Variants in IMPG1 observed in about 807,000 individuals in gnomAD.
IMPG1 encodes the protein interphotoreceptor matrix proteoglycan 1.
In IMPG1, 85 loss-of-function variants were observed where a neutral mutation model predicts 92.0. The observed-to-expected ratio is 0.92, with a 90% CI of 0.78 to 1.11. IMPG1 has a LOEUF of 1.11. IMPG1 is among the 50% of genes least tolerant of loss of function. The pLI, the probability that IMPG1 is intolerant of heterozygous loss-of-function variation, is 0.00. For synonymous variants in IMPG1, 367 were observed against 334.1 expected (o/e 1.10, Z -1.08); for missense variants, 1,022 against 956.0 (o/e 1.07, Z -0.91).
At chr6:76,006,844 A>T (rs998786151) in intron 9 of IMPG1, among the ~76,000 whole-genome samples, 1 of 152,112 alleles carries the variant, frequency 6.6e-6, no homozygotes, top group Admixed American at 6.6e-5. Flanking sequence ...CTCAGGAATT[A>T]GGTTTTACCT....
intron 12 of IMPG1, among the ~76,000 whole-genome samples, chr6:75,989,185 C>G (rs1187976023): frequency 2.6e-5 from 4 of 152,140 alleles, no homozygotes; most frequent in Non-Finnish European, 4.4e-5. Flanking sequence ...AACTCCTGGG[C>G]TCAAGCGATC....
At chr6:76,049,162 A>T (rs1294713970) in intron 1 of IMPG1, among the ~76,000 whole-genome samples, 1 of 152,182 alleles carries the variant, frequency 6.6e-6, no homozygotes, top group African/African-American at 2.4e-5. Context: ...GGATACACAG[A>T]GGGGAACAAC....
chr6:76,064,837 C>T (rs1156286113), intron 1 of IMPG1, among the ~76,000 whole-genome samples: 2 of 152,146 alleles, frequency 1.3e-5, no homozygotes, highest in Non-Finnish European at 2.9e-5. Context: ...TGGAACTGCA[C>T]AACCTAATAC....
intron 15 of IMPG1, chr6:75,928,769 G>A (rs781472915): frequency 3.3e-5 from 5 of 152,232 alleles, no homozygotes; most frequent in South Asian, 2.1e-4. Flanking sequence ...ATGTTAGATC[G>A]AACTATACAA....
At chr6:76,020,697 T>C (rs1022141844) in intron 6 of IMPG1, among the ~76,000 whole-genome samples, 1 of 152,166 alleles carries the variant, frequency 6.6e-6, no homozygotes, top group Admixed American at 6.5e-5. Flanking sequence ...TCTACACACA[T>C]GGCTAATGAG....
chr6:75,926,507 CTG>C (rs1249721294), intron 15 of IMPG1, among the ~76,000 whole-genome samples: 1 of 152,200 alleles, frequency 6.6e-6, no homozygotes, highest in Non-Finnish European at 1.5e-5. Context: ...ATAAATGTCA[CTG>C]TGTACCATCA....
At chr6:75,926,191 T>C (rs1411339286) in intron 15 of IMPG1, among the ~76,000 whole-genome samples, 2 of 152,192 alleles carry the variant, frequency 1.3e-5, no homozygotes, top group African/African-American at 2.4e-5. Context: ...AGGAGAGCCA[T>C]ACCTCACTGT....
chr6:75,982,646 T>C (rs1269464544), intron 12 of IMPG1, among the ~76,000 whole-genome samples: 1 of 151,594 alleles, frequency 6.6e-6, no homozygotes, highest in East Asian at 1.9e-4. Context: ...TGTGTATATA[T>C]ATATTCAAAC....
intron 1 of IMPG1, among the ~76,000 whole-genome samples, chr6:76,054,933 C>G (rs1784096377): frequency 6.6e-6 from 1 of 151,880 alleles, no homozygotes; most frequent in African/African-American, 2.4e-5. Context: ...ATATATAATA[C>G]AAAGGTTGAT....
intron 12 of IMPG1, among the ~76,000 whole-genome samples, chr6:75,978,673 A>T (rs1185581824): frequency 1.3e-5 from 2 of 152,222 alleles, no homozygotes; most frequent in Admixed American, 6.5e-5. Flanking sequence ...TATATTTGTT[A>T]AACAAAAATT....
At chr6:75,979,931 T>TGAA (rs1286730351) in intron 12 of IMPG1, among the ~76,000 whole-genome samples, 5 of 152,142 alleles carry the variant, frequency 3.3e-5, no homozygotes, top group Non-Finnish European at 5.9e-5. Context: ...ATTGAAAGAC[T>TGAA]GAAGAGTCAA....
intron 14 of IMPG1, among the ~76,000 whole-genome samples, chr6:75,932,770 A>G (rs6924129): frequency 0.94 from 142,904 of 151,988 alleles, 67,748 homozygotes; most frequent in East Asian, 1. Context: ...GCGCCATCTC[A>G]ACTCACTGTA....
At chr6:75,951,705 T>G (rs544357251) in intron 12 of IMPG1, among the ~76,000 whole-genome samples, 1 of 152,188 alleles carries the variant, frequency 6.6e-6, no homozygotes, top group Admixed American at 6.5e-5. Context: ...AAAATGATAC[T>G]GGGAGTATAA....
At chr6:75,935,448 G>C (rs970272767) in intron 14 of IMPG1, among the ~76,000 whole-genome samples, 4 of 152,246 alleles carry the variant, frequency 2.6e-5, no homozygotes, top group African/African-American at 9.6e-5. Flanking sequence ...CCTGAACAAA[G>C]TGACAGATTT....
intron 12 of IMPG1, among the ~76,000 whole-genome samples, chr6:75,979,834 T>A (rs1782598979): frequency 6.6e-6 from 1 of 152,206 alleles, no homozygotes; most frequent in Admixed American, 6.5e-5. Flanking sequence ...TTATTAACAA[T>A]GAACTTTGTC....
At chr6:76,062,319 T>G (rs1582138007) in intron 1 of IMPG1, among the ~76,000 whole-genome samples, 1 of 152,186 alleles carries the variant, frequency 6.6e-6, no homozygotes, top group African/African-American at 2.4e-5. Flanking sequence ...GTTGAATATT[T>G]AGATAAAGCA....
chr6:75,970,883 G>C (rs1782401633), intron 12 of IMPG1, among the ~76,000 whole-genome samples: 1 of 152,134 alleles, frequency 6.6e-6, no homozygotes, highest in Non-Finnish European at 1.5e-5. Flanking sequence ...ATGTAAACTA[G>C]TTCAACCATT....
chr6:75,924,608 TATATATA>T (rs1476417095), intron 15 of IMPG1, among the ~76,000 whole-genome samples: 4 of 40,946 alleles, frequency 9.8e-5, no homozygotes, highest in Non-Finnish European at 1.7e-4. Context: ...TATAATTAAT[TATATATA>T]ATATATAATA....
chr6:75,997,158 T>C (rs541293016), intron 12 of IMPG1, among the ~76,000 whole-genome samples: 2 of 152,330 alleles, frequency 1.3e-5, no homozygotes, highest in African/African-American at 4.8e-5. Flanking sequence ...GAGGTGAAAT[T>C]GGAAGTCTTA....
Sources: gnomAD v4.1 joint callset for allele counts (sites outside exome capture counted in the v4.1 genomes callset) on GRCh38, gnomAD v4.1.1 for gene constraint, MANE v1.5 for transcripts, NCBI Gene and HGNC (gene_info 2026-07-23, HGNC 2026-07-21) for gene names.